Variants in KCNQ3 observed in about 807,000 individuals in gnomAD.
KCNQ3 encodes potassium voltage-gated channel subfamily KQT member 3.
KCNQ3 carries 30 observed loss-of-function variants against 92.5 expected under a neutral mutation model. The ratio of observed to expected loss-of-function variants is 0.32; its 90% CI spans 0.24 to 0.44. The LOEUF (loss-of-function observed/expected upper bound fraction) is 0.44. Ranked by LOEUF, KCNQ3 falls within the 20% of genes least tolerant of loss-of-function variation. The pLI is 1.00. For synonymous variants in KCNQ3, 450 were observed against 468.8 expected (o/e 0.96, Z 0.52); for missense variants, 913 against 1,140.3 (o/e 0.80, Z 2.87).
At chr8:132,373,994 T>TTC (rs1819545764) in intron 1 of KCNQ3, among the ~76,000 whole-genome samples, 1 of 152,100 alleles carries the variant, frequency 6.6e-6, no homozygotes, top group South Asian at 2.1e-4. Context: ...AGGGTGCATG[T>TTC]TCTCCCGGGT....
chr8:132,218,517 T>C (rs1453329174), intron 1 of KCNQ3, among the ~76,000 whole-genome samples: 1 of 152,140 alleles, frequency 6.6e-6, no homozygotes, highest in Admixed American at 6.5e-5. Context: ...GAGATGGAGA[T>C]TTATAAAGAG....
intron 1 of KCNQ3, among the ~76,000 whole-genome samples, chr8:132,328,443 G>A (rs1194276912): frequency 1.3e-5 from 2 of 152,108 alleles, no homozygotes; most frequent in Non-Finnish European, 2.9e-5. Context: ...GTGGCTATAG[G>A]TGTGTGCTCA....
chr8:132,177,868 C>T (rs1563789828), intron 4 of KCNQ3, among the ~76,000 whole-genome samples: 3 of 152,184 alleles, frequency 2.0e-5, no homozygotes, highest in Admixed American at 1.3e-4. Flanking sequence ...TCTGGTAGCA[C>T]AGCTTTCGGG....
intron 1 of KCNQ3, among the ~76,000 whole-genome samples, chr8:132,394,262 G>C (rs537422629): frequency 6.6e-6 from 1 of 152,318 alleles, no homozygotes; most frequent in African/African-American, 2.4e-5. Context: ...TCTGAGGAGA[G>C]AGCATGGGAT....
At position 132,124,174 on chromosome 8, in the gene KCNQ3, G is replaced by A. The variant is rs1395915488; in HGVS notation, c.*5088C>T. 1 of 152,148 alleles carries A rather than the reference G, an allele frequency of 6.6e-6. No individual in the cohort carries two copies. The highest frequency in any genetic ancestry group is 1.5e-5 in the Non-Finnish European group (1 of 68,016). The allele number at this position is 152,148 out of a possible 1,614,324, so 9.4% of individuals were successfully genotyped here. A position where few individuals can be genotyped will look rare whatever the true frequency, so the allele number is the denominator to read the frequency against. On this transcript the variant is annotated 3_prime_UTR_variant, in exon 15 of 15. Coordinates refer to ENST00000388996, the MANE Select transcript of KCNQ3 (RefSeq NM_004519.4). ...CTGTTCTTTATTGTGGTAGACAAGA[G>A]CAAGCATTTTTATTTGCAGAGATGT... is the stretch of plus-strand genomic sequence containing the variant.
chr8:132,467,126 C>A (rs561825412), intron 1 of KCNQ3, among the ~76,000 whole-genome samples: 11 of 152,196 alleles, frequency 7.2e-5, no homozygotes, highest in African/African-American at 2.4e-4. Flanking sequence ...CAAACTGTGG[C>A]CACTAGAAGT....
At chr8:132,309,879 C>A (rs547029580) in intron 1 of KCNQ3, among the ~76,000 whole-genome samples, 1 of 152,306 alleles carries the variant, frequency 6.6e-6, no homozygotes, top group East Asian at 1.9e-4. Context: ...GAGACTTTCC[C>A]AAATGTCAGT....
intron 1 of KCNQ3, among the ~76,000 whole-genome samples, chr8:132,418,282 A>C (rs1820874264): frequency 6.6e-6 from 1 of 152,284 alleles, no homozygotes; most frequent in Admixed American, 6.5e-5. Flanking sequence ...GCCAGCAAGA[A>C]GGGATCTGTG....
At chr8:132,308,932 T>C (rs1263087887) in intron 1 of KCNQ3, among the ~76,000 whole-genome samples, 2 of 152,158 alleles carry the variant, frequency 1.3e-5, no homozygotes, top group Non-Finnish European at 2.9e-5. Flanking sequence ...GTCAGCTTGA[T>C]TGGATTGAAG....
intron 10 of KCNQ3, 123 bp from the exon 11 acceptor site, chr8:132,140,301 C>T (rs1224009418): frequency 4.5e-6 from 3 of 661,088 alleles, no homozygotes; most frequent in Non-Finnish European, 2.7e-6. Flanking sequence ...TTTATTTCCA[C>T]GTTGCAAGAC....
At chr8:132,136,949 C>T (rs866228612) in intron 12 of KCNQ3, among the ~76,000 whole-genome samples, 3 of 38,640 alleles carry the variant, frequency 7.8e-5, no homozygotes, top group South Asian at 1.0e-3. Context: ...CTGCAACCTC[C>T]GCCCCCCCAG....
chr8:132,218,420 C>T (rs1814113169), intron 1 of KCNQ3, among the ~76,000 whole-genome samples: 1 of 152,152 alleles, frequency 6.6e-6, no homozygotes. Context: ...AGTGAATGCT[C>T]CTATGCTATA....
chr8:132,357,336 A>G (rs911330907), intron 1 of KCNQ3, among the ~76,000 whole-genome samples: 3 of 152,222 alleles, frequency 2.0e-5, no homozygotes, highest in South Asian at 2.1e-4. Flanking sequence ...AAGTGCGTCA[A>G]TGTGAGGGTG....
chr8:132,132,416 T>G, intron 13 of KCNQ3, 152 bp from the exon 14 acceptor site: 1 of 701,926 alleles, frequency 1.4e-6, no homozygotes, highest in Non-Finnish European at 2.6e-6. Context: ...TGGAGGCATA[T>G]GTGAGTCAGG....
chr8:132,137,776 T>TA, intron 12 of KCNQ3, 109 bp downstream of exon 12: 1 of 1,372,514 alleles, frequency 7.3e-7, no homozygotes, highest in Non-Finnish European at 1.0e-6. Context: ...TTTGTCTTCT[T>TA]AAAATCTCTC....
At chr8:132,149,066 C>T (rs1825551582) in intron 9 of KCNQ3, among the ~76,000 whole-genome samples, 1 of 152,214 alleles carries the variant, frequency 6.6e-6, no homozygotes, top group South Asian at 2.1e-4. Flanking sequence ...TAGCTAGAAA[C>T]AAAGATTTGC....
chr8:132,447,276 C>A, intron 1 of KCNQ3: 1 of 1,534,046 alleles, frequency 6.5e-7, no homozygotes, highest in Non-Finnish European at 8.7e-7. Flanking sequence ...GGTAACACAG[C>A]TAGAAATAAC....
intron 1 of KCNQ3, among the ~76,000 whole-genome samples, chr8:132,352,214 T>C (rs1818893326): frequency 6.6e-6 from 1 of 152,140 alleles, no homozygotes; most frequent in Non-Finnish European, 1.5e-5. Context: ...CAAGCAGTGC[T>C]GTAAGACAGT....
At chr8:132,330,871 GC>G (rs1269910677) in intron 1 of KCNQ3, among the ~76,000 whole-genome samples, 1 of 152,196 alleles carries the variant, frequency 6.6e-6, no homozygotes, top group East Asian at 1.9e-4. Flanking sequence ...AGAATTGAGA[GC>G]CCCAGGAGTC....
Sources: gnomAD v4.1 joint callset for allele counts (sites outside exome capture counted in the v4.1 genomes callset) on GRCh38, gnomAD v4.1.1 for gene constraint, MANE v1.5 for transcripts, NCBI Gene and HGNC (gene_info 2026-07-23, HGNC 2026-07-21) for gene names.